PDE8A: variants seen among roughly 807,000 people sequenced by gnomAD.
PDE8A encodes phosphodiesterase 8A, also known as high affinity cAMP-specific and IBMX-insensitive 3',5'-cyclic phosphodiesterase 8A.
In PDE8A, 59 loss-of-function variants were observed where a neutral mutation model predicts 105.0. The observed-to-expected ratio is 0.56, with a 90% CI of 0.46 to 0.70. The LOEUF is 0.70. Ranked by LOEUF, PDE8A falls within the 30% of genes least tolerant of loss-of-function variation. The pLI is 0.00. For synonymous variants in PDE8A, 355 were observed against 371.9 expected (o/e 0.95, Z 0.52); for missense variants, 1,014 against 1,045.9 (o/e 0.97, Z 0.42).
At chr15:85,134,808 C>T (rs1338118103) in intron 20 of PDE8A, among the ~76,000 whole-genome samples, 1 of 152,100 alleles carries the variant, frequency 6.6e-6, no homozygotes, top group African/African-American at 2.4e-5. Flanking sequence ...TTGTTGTGCA[C>T]AGGGCAAGGT....
chr15:85,021,583 A>G (rs969394719), intron 1 of PDE8A, among the ~76,000 whole-genome samples: 1 of 152,136 alleles, frequency 6.6e-6, no homozygotes, highest in Non-Finnish European at 1.5e-5. Context: ...TACCTAGTCT[A>G]AGGTATTTTG....
At chr15:85,073,202 C>T (rs2081337306) in intron 3 of PDE8A, among the ~76,000 whole-genome samples, 2 of 152,206 alleles carry the variant, frequency 1.3e-5, no homozygotes, top group African/African-American at 4.8e-5. Flanking sequence ...CCATCTTTTT[C>T]GTGACCTTCT....
At chr15:85,024,898 A>G (rs1596453334) in intron 1 of PDE8A, among the ~76,000 whole-genome samples, 1 of 152,164 alleles carries the variant, frequency 6.6e-6, no homozygotes, top group South Asian at 2.1e-4. Context: ...TAGCTTACCA[A>G]TGCTCCAGAT....
chr15:85,025,239 C>T (rs2080495607), intron 1 of PDE8A, among the ~76,000 whole-genome samples: 2 of 152,092 alleles, frequency 1.3e-5, no homozygotes, highest in South Asian at 4.2e-4. Context: ...CTCCCACTAC[C>T]CCTTTGAACT....
intron 1 of PDE8A, among the ~76,000 whole-genome samples, chr15:85,020,224 A>G (rs537570096): frequency 1.3e-5 from 2 of 152,214 alleles, no homozygotes; most frequent in South Asian, 2.1e-4. Flanking sequence ...TCTGCCAAAG[A>G]AGGAGAGTAG....
intron 8 of PDE8A, among the ~76,000 whole-genome samples, chr15:85,092,133 C>T (rs1473228514): frequency 6.6e-6 from 1 of 151,950 alleles, no homozygotes; most frequent in Admixed American, 6.6e-5. Context: ...TCTTGGACCC[C>T]ATGAAGACAC....
chr15:84,981,713 A>G, upstream of PDE8A, among the ~76,000 whole-genome samples: 1 of 149,770 alleles, frequency 6.7e-6, no homozygotes, highest in Admixed American at 6.6e-5. Flanking sequence ...CGGCGGCGGG[A>G]GCGGGGCCGG....
At chr15:85,044,174 G>A (rs2141402975) in intron 1 of PDE8A, among the ~76,000 whole-genome samples, 1 of 152,288 alleles carries the variant, frequency 6.6e-6, no homozygotes, top group South Asian at 2.1e-4. Context: ...GTAACTACTT[G>A]AAATAGCTTA....
At chr15:85,031,813 G>A (rs289389) in intron 1 of PDE8A, among the ~76,000 whole-genome samples, 65,151 of 152,014 alleles carry the variant, frequency 0.43, 15,208 homozygotes, top group East Asian at 0.56. Flanking sequence ...GCTAGAGGCT[G>A]ATTACTGGCT....
chr15:85,003,828 AG>A lies in PDE8A; in HGVS notation c.186+21481del, dbSNP rs373148532. On this transcript the variant is annotated intron_variant, in intron 1 of 21. Transcript: ENST00000394553. ...TCACTTCTCATTTTACCCTGTCCTT[AG>A]AGAAGAGTGGAAGACTGTTCTCAAA... Among the ~76,000 whole-genome samples the A allele has an allele frequency of 2.0e-5, 3 of 152,194 alleles. No homozygotes were observed. In the South Asian group the frequency reaches 6.2e-4, roughly 32 times the overall value.
At chr15:85,043,977 G>A (rs150963923) in intron 1 of PDE8A, among the ~76,000 whole-genome samples, 7 of 152,300 alleles carry the variant, frequency 4.6e-5, no homozygotes, top group South Asian at 2.1e-4. Context: ...GATTACAGGC[G>A]TGAGGCACCA....
In PDE8A at chr15:85,109,390, T is replaced by C. The variant is rs370935338; in HGVS notation, c.1114+260T>C. Among the ~76,000 whole-genome samples the C allele has an allele frequency of 4.6e-5, 7 of 152,242 alleles. No individual in the cohort carries two copies. The East Asian group carries it at 9.6e-4, about 21-fold the overall frequency. On this transcript the variant is annotated intron_variant, in intron 12 of 21. Transcript: ENST00000394553. ...ATATTCTATAGTTGCTTTTCTAAAC[T>C]GTAACAGCAGAAGATGTCAGTTCAT...
chr15:85,087,695 A>G (rs1453461730), intron 6 of PDE8A, among the ~76,000 whole-genome samples: 1 of 152,216 alleles, frequency 6.6e-6, no homozygotes, highest in Non-Finnish European at 1.5e-5. Context: ...ATATAATCTT[A>G]GAATATTATA....
At chr15:85,038,727 A>G (rs952426126) in intron 1 of PDE8A, among the ~76,000 whole-genome samples, 13 of 152,248 alleles carry the variant, frequency 8.5e-5, no homozygotes, top group African/African-American at 1.2e-4. Context: ...CTAACAGATA[A>G]ATGGAAAAAA....
intron 19 of PDE8A, among the ~76,000 whole-genome samples, chr15:85,123,519 GAGCATCC>G (rs1268015498): frequency 6.6e-6 from 1 of 152,148 alleles, no homozygotes; most frequent in Admixed American, 6.5e-5. Flanking sequence ...CAAGGGCAGA[GAGCATCC>G]AGCATGGGAG....
chr15:85,085,554 C>T (rs964652784), intron 6 of PDE8A, among the ~76,000 whole-genome samples: 2 of 151,068 alleles, frequency 1.3e-5, no homozygotes, highest in African/African-American at 2.4e-5. Context: ...TAAAATTAGC[C>T]GGGCATGGTG....
rs555935860 is a variant in PDE8A, at chr15:85,114,020, G to T, written c.1333G>T (p.Val445Phe). The T allele has an allele frequency of 4.3e-6, 7 of 1,613,774 alleles. No homozygotes were observed. In the East Asian group the frequency reaches 1.6e-4, roughly 36 times the overall value. ...TGATGATCCCCATGCCAATGACCTTGTTGGGGGCTTAATGTCTGTAAGTAT... is the reference window on the plus strand; with the variant it reads ...TGATGATCCCCATGCCAATGACCTTTTTGGGGGCTTAATGTCTGTAAGTAT... ...KDDDPHANDL[V>F]GGLMSDGLRR... The change falls in exon 14 of 22, where the codon GTT becomes TTT. Residue 445 changes from valine (V) to phenylalanine (F), a missense_variant. Coordinates refer to ENST00000394553, the MANE Select transcript of PDE8A (RefSeq NM_002605.3).
intron 1 of PDE8A, among the ~76,000 whole-genome samples, chr15:85,025,587 C>T (rs2080503122): frequency 6.6e-6 from 1 of 152,164 alleles, no homozygotes; most frequent in South Asian, 2.1e-4. Flanking sequence ...CTTATCATCC[C>T]CCCTCTTTTT....
At chr15:85,100,397 G>T (rs940061399) in intron 11 of PDE8A, 199 bp downstream of exon 11, 1 of 588,704 alleles carries the variant, frequency 1.7e-6, no homozygotes, top group Non-Finnish European at 3.0e-6. Flanking sequence ...TCTGATGGGT[G>T]CCCTGGGGCG....
Sources: allele counts gnomAD v4.1 joint callset (sites outside exome capture counted in the v4.1 genomes callset), GRCh38; gene constraint gnomAD v4.1.1; transcripts MANE v1.5; gene names NCBI Gene and HGNC (gene_info 2026-07-23, HGNC 2026-07-21).